The following LRIG2 variants were observed in gnomAD, a reference collection of about 807,000 sequenced individuals.
LRIG2 encodes the protein leucine-rich repeats and immunoglobulin-like domains protein 2.
A neutral mutation model predicts 107.8 loss-of-function variants in LRIG2; 93 were observed. That is an observed-to-expected ratio of 0.86 (90% CI 0.73 to 1.03). The LOEUF (loss-of-function observed/expected upper bound fraction) is 1.03, where lower values mean the gene tolerates loss of function less well. LRIG2 is among the 50% of genes least tolerant of loss of function. LRIG2 has a pLI of 0.00. For missense variants in LRIG2, 1,226 were observed against 1,296.0 expected (o/e 0.95, Z 0.83); for synonymous variants, 471 against 470.6 (o/e 1.00, Z -0.01).
intron 1 of LRIG2, among the ~76,000 whole-genome samples, chr1:113,088,812 A>G (rs555688644): frequency 6.6e-6 from 1 of 152,298 alleles, no homozygotes; most frequent in African/African-American, 2.4e-5. Flanking sequence ...TTTCACTTAT[A>G]TTTTTATACG....
rs991585174 is a variant in LRIG2 at position 113,128,720 on chromosome 1, T to C, written c.*4619T>C. On this transcript the variant is annotated 3_prime_UTR_variant, in exon 18 of 18. Transcript: ENST00000361127. ...AAACAGTATTAGTAAACAAAGAATC[T>C]TGACTCAGTTGAAAAACCACCCATT... The C allele has an allele frequency of 3.9e-5, 6 of 152,190 alleles. No individual in the cohort carries two copies. The highest frequency in any genetic ancestry group is 7.3e-5 in the Non-Finnish European group (5 of 68,052). The allele number at this position is 152,190 out of a possible 1,614,324, so 9.4% of individuals were successfully genotyped here. A position where few individuals can be genotyped will look rare whatever the true frequency, so the allele number is the denominator to read the frequency against.
intron 1 of LRIG2, among the ~76,000 whole-genome samples, chr1:113,077,939 T>C (rs892995368): frequency 1.5e-5 from 2 of 137,354 alleles, no homozygotes; most frequent in African/African-American, 5.5e-5. Flanking sequence ...CCTGTGTCCA[T>C]GTGTTCTCAT....
intron 1 of LRIG2, among the ~76,000 whole-genome samples, chr1:113,073,947 C>T (rs1409171092): frequency 1.5e-5 from 2 of 135,444 alleles, no homozygotes; most frequent in Non-Finnish European, 3.0e-5. Context: ...ACTCACGGGT[C>T]CTGGGCACCA....
intron 1 of LRIG2, among the ~76,000 whole-genome samples, chr1:113,087,875 G>A (rs1237981510): frequency 2.0e-5 from 3 of 152,188 alleles, no homozygotes; most frequent in African/African-American, 4.8e-5. Flanking sequence ...TGGAGTGACT[G>A]CACCTCTGAG....
In LRIG2 at chr1:113,132,213, T is replaced by G. The variant is rs762360436; in HGVS notation, c.*8112T>G. 3 of 152,114 alleles carry G rather than the reference T, an allele frequency of 2.0e-5. No homozygotes were observed. Among genetic ancestry groups the G allele is most frequent in the Non-Finnish European group, 4.4e-5 (3 of 67,972 alleles). The allele number at this position is 152,114 out of a possible 1,614,324, so 9.4% of individuals were successfully genotyped here. ...TTTTATAGAGCATGTGTTTGTCTAC[T>G]TGTTTGTCTACTATAATATGTCTTT... On this transcript the variant is annotated 3_prime_UTR_variant, in exon 18 of 18. Transcript: ENST00000361127.
At chr1:113,112,941 G>A (rs1654835992) in intron 14 of LRIG2, among the ~76,000 whole-genome samples, 181 bp downstream of exon 14, 1 of 152,160 alleles carries the variant, frequency 6.6e-6, no homozygotes, top group Admixed American at 6.5e-5. Flanking sequence ...TAACTGAAAT[G>A]TGGGAAAATA....
chr1:113,116,496 G>A, intron 16 of LRIG2, 60 bp downstream of exon 16: 4 of 1,453,320 alleles, frequency 2.8e-6, no homozygotes, highest in Non-Finnish European at 3.7e-6. Context: ...TTACTTTTCA[G>A]TGTGTAGTTT....
Position 113,080,818 on chromosome 1 carries a change from A to T in LRIG2, c.239+7173A>T, listed in dbSNP as rs1653238268. On this transcript the variant is annotated intron_variant, in intron 1 of 17. Coordinates refer to ENST00000361127, the MANE Select transcript of LRIG2 (RefSeq NM_014813.3). ...TCTTTTTAAACAAAGAAAAATTCTA[A>T]ATATGGGAACACTAAAAGTTTTTTT... Among the ~76,000 whole-genome samples, 3 of 151,722 alleles carry T rather than the reference A, an allele frequency of 2.0e-5. No individual in the cohort carries two copies. The South Asian group carries it at 6.2e-4, about 32-fold the overall frequency.
chr1:113,078,987 A>G (rs1222451301), intron 1 of LRIG2, among the ~76,000 whole-genome samples: 1 of 152,148 alleles, frequency 6.6e-6, no homozygotes, highest in African/African-American at 2.4e-5. Flanking sequence ...GCGGTTGGAT[A>G]ATCTAGCTGA....
At chr1:113,099,384 G>A (rs1654212666) in intron 9 of LRIG2, among the ~76,000 whole-genome samples, 1 of 151,332 alleles carries the variant, frequency 6.6e-6, no homozygotes, top group Admixed American at 6.6e-5. Flanking sequence ...CTAAAGGTGT[G>A]TATCACCATG....
At chr1:113,079,552 G>A (rs1460178495) in intron 1 of LRIG2, among the ~76,000 whole-genome samples, 3 of 145,198 alleles carry the variant, frequency 2.1e-5, no homozygotes, top group Non-Finnish European at 3.0e-5. Context: ...CCGTGGTGGC[G>A]GGCGCCTGTA....
chr1:113,087,157 A>C (rs964312787), intron 1 of LRIG2, among the ~76,000 whole-genome samples: 2 of 152,172 alleles, frequency 1.3e-5, no homozygotes, highest in African/African-American at 4.8e-5. Flanking sequence ...TCTTAAGTAC[A>C]TTTTAGGGAT....
At chr1:113,076,047 C>T (rs941877982) in intron 1 of LRIG2, among the ~76,000 whole-genome samples, 6 of 151,354 alleles carry the variant, frequency 4.0e-5, no homozygotes, top group Non-Finnish European at 8.8e-5. Flanking sequence ...GCTCTGTCAC[C>T]CAGGCTGGAG....
Position 113,114,457 on chromosome 1 carries a change from A to G in LRIG2, c.2111A>G (p.Asp704Gly), listed in dbSNP as rs753276250. Reference protein sequence around the residue: ...ETPSFIRPLEDKTVTRGETAV... With the variant: ...ETPSFIRPLEGKTVTRGETAV... ...CCCTCATTTATTAGACCCCTGGAGG[A>G]TAAGACAGTAACACGAGGTGAAACT... Residue 704 changes from aspartate (D) to glycine (G), a missense_variant, in exon 15 of 18, where the codon GAT (aspartate) becomes GGT (glycine). Asp to Gly is a moderately conservative substitution (Grantham distance 94, BLOSUM62 -1). Around this residue, in one of 3 missense-constraint regions of LRIG2, gnomAD observed 642 missense variants for 712.2 expected, o/e 0.90. Coordinates refer to ENST00000361127, the MANE Select transcript of LRIG2 (RefSeq NM_014813.3). 2 of 1,611,534 alleles carry G rather than the reference A, an allele frequency of 1.2e-6. No individual in the cohort carries two copies. The highest frequency in any genetic ancestry group is 1.7e-6 in the Non-Finnish European group (2 of 1,179,300).
rs753021252 is a variant in LRIG2, at chr1:113,107,731, ATG to A, written c.1454_1455del (p.Val485GlyfsTer8). 1.2e-6 allele frequency: 2 copies of A among 1,613,414 alleles called. No homozygotes were observed. Among genetic ancestry groups the A allele is most frequent in the Non-Finnish European group, 1.7e-6 (2 of 1,179,832 alleles). On this transcript the variant is annotated frameshift_variant, in exon 12 of 18. Coordinates refer to ENST00000361127, the MANE Select transcript of LRIG2 (RefSeq NM_014813.3). LOFTEE classifies it high-confidence loss of function. ...TGGCTAGCAGGGCAAAGCATCCTGA[ATG>A]TGGATCTGAAAGATTTTGTCTGTGG...
chr1:113,081,206 T>C (rs1452902055), intron 1 of LRIG2, among the ~76,000 whole-genome samples: 1 of 152,164 alleles, frequency 6.6e-6, no homozygotes, highest in Non-Finnish European at 1.5e-5. Flanking sequence ...TCTAATTGCC[T>C]CAAAATTCGG....
At chr1:113,073,773 G>A (rs556409351) in intron 1 of LRIG2, 128 bp downstream of exon 1, 10 of 849,054 alleles carry the variant, frequency 1.2e-5, no homozygotes, top group Admixed American at 8.4e-5. Context: ...GGAAACTGCC[G>A]TCAGGATTTT....
At chr1:113,093,765 A>G (rs1265765205) in intron 4 of LRIG2, among the ~76,000 whole-genome samples, 1 of 152,108 alleles carries the variant, frequency 6.6e-6, no homozygotes, top group Non-Finnish European at 1.5e-5. Context: ...CTAAAACTTA[A>G]AGTATAATAA....
At chr1:113,074,723 A>C (rs531293025) in intron 1 of LRIG2, among the ~76,000 whole-genome samples, 1 of 151,838 alleles carries the variant, frequency 6.6e-6, no homozygotes, top group Admixed American at 6.6e-5. Flanking sequence ...CCTGGCCAAC[A>C]TGGTGAAACC....
Sources: gnomAD v4.1 joint callset for allele counts (sites outside exome capture counted in the v4.1 genomes callset) on GRCh38, gnomAD v4.1.1 for gene constraint, gnomAD v4.1.1 regional missense constraint, MANE v1.5 for transcripts, NCBI Gene and HGNC (gene_info 2026-07-23, HGNC 2026-07-21) for gene names.